Variants in ARL10 observed in about 807,000 individuals in gnomAD.
ARL10 encodes the protein ADP-ribosylation factor-like protein 10.
In ARL10, 23 loss-of-function variants were observed where a neutral mutation model predicts 26.1. The observed-to-expected ratio is 0.88, with a 90% CI of 0.63 to 1.25. The LOEUF (loss-of-function observed/expected upper bound fraction) is 1.25, where lower values mean the gene tolerates loss of function less well. Among genes scored for constraint, ARL10 ranks in the 50% most tolerant of loss-of-function variants. The pLI is 0.00. For synonymous variants in ARL10, 138 were observed against 149.1 expected (o/e 0.93, Z 0.54); for missense variants, 300 against 323.6 (o/e 0.93, Z 0.56).
intron 2 of ARL10, 129 bp downstream of exon 2, chr5:176,366,710 T>A: frequency 8.7e-7 from 1 of 1,153,076 alleles, no homozygotes; most frequent in East Asian, 2.6e-5. Context: ...TTCCCACCGC[T>A]CTCCGGGGCA....
downstream of ARL10, among the ~76,000 whole-genome samples, chr5:176,393,180 CCTGGCTTG>C (rs1756334693): frequency 6.6e-6 from 1 of 152,116 alleles, no homozygotes; most frequent in African/African-American, 2.4e-5. The surrounding 1 kb of genome is among the most constrained non-coding windows in gnomAD (Gnocchi z 4.4). Flanking sequence ...CAGACCTGTT[CCTGGCTTG>C]CTGCTTCTTG....
chr5:176,388,974 G>A (rs1351632041), downstream of ARL10: 1 of 1,613,888 alleles, frequency 6.2e-7, no homozygotes, highest in Non-Finnish European at 8.5e-7. Flanking sequence ...GTACCCATAG[G>A]TAAGTGGGTG....
At position 176,371,753 on chromosome 5, in the gene ARL10, T is replaced by C. The variant is rs1768554239; in HGVS notation, c.593T>C (p.Leu198Pro). Residue 198 changes from leucine (L) to proline (P), a missense_variant, in exon 4 of 4, where the codon CTG (leucine) becomes CCG (proline). Leu to Pro is a moderately conservative substitution (Grantham distance 98, BLOSUM62 -3). Coordinates refer to ENST00000310389, the MANE Select transcript of ARL10 (RefSeq NM_173664.6). ...AGCGAGGCCATGAGTATGGGGGAGC[T>C]GCAGCGGGAGCTGGGTCTACAGGCT... is the stretch of plus-strand genomic sequence containing the variant. The part of the protein sequence containing the change: ...DLSEAMSMGE[L>P]QRELGLQAID... 6.2e-7 allele frequency: 1 copy of C among 1,614,110 alleles called. No homozygotes were observed. The highest frequency in any genetic ancestry group is 8.5e-7 in the Non-Finnish European group (1 of 1,180,044).
chr5:176,383,588 G>A (rs973596835), downstream of ARL10, among the ~76,000 whole-genome samples: 7 of 152,232 alleles, frequency 4.6e-5, no homozygotes, highest in Non-Finnish European at 8.8e-5. Context: ...GAGAAGGCAG[G>A]TCACTCAGAG....
downstream of ARL10, chr5:176,389,422 G>T: frequency 6.2e-7 from 1 of 1,614,178 alleles, no homozygotes. Flanking sequence ...TGCGCACCCG[G>T]ATCGCCGCCC....
downstream of ARL10, chr5:176,392,892 T>C (rs756695540): frequency 6.2e-7 from 1 of 1,614,186 alleles, no homozygotes; most frequent in African/African-American, 1.3e-5. This position sits in a 1 kb window ranked among gnomAD's most constrained non-coding sequence, Gnocchi z 5.2. Flanking sequence ...CTTCTCCCAC[T>C]CTGTGCCTGG....
Position 176,371,780 on chromosome 5 carries a change from T to A in ARL10, c.620T>A (p.Ile207Asn). 2 of 1,614,198 alleles carry A rather than the reference T, an allele frequency of 1.2e-6. No homozygotes were observed. Among genetic ancestry groups the A allele is most frequent in the South Asian group, 2.2e-5 (2 of 91,088 alleles). Residue 207 changes from isoleucine (I) to asparagine (N), a missense_variant, in exon 4 of 4, where the codon ATC (isoleucine) becomes AAC (asparagine). By Grantham distance (149) the Ile-to-Asn change is moderately radical. Coordinates refer to ENST00000310389, the MANE Select transcript of ARL10 (RefSeq NM_173664.6). ...ELQRELGLQA[I>N]DNQREVFLLA... ...CAGCGGGAGCTGGGTCTACAGGCTA[T>A]CGATAACCAGCGGGAGGTTTTCCTC...
At chr5:176,384,473 G>C, downstream of ARL10, 3 of 1,234,186 alleles carry the variant, frequency 2.4e-6, no homozygotes, top group Non-Finnish European at 3.4e-6. Context: ...CTATCCCTGA[G>C]GTCCAGAATC....
intron 1 of ARL10, among the ~76,000 whole-genome samples, chr5:176,394,259 G>A (rs1217348558): frequency 6.6e-6 from 1 of 152,206 alleles, no homozygotes; most frequent in East Asian, 1.9e-4. Context: ...AGCGTCCATG[G>A]TCCAATGGCA....
intron 1 of ARL10, among the ~76,000 whole-genome samples, chr5:176,400,955 G>A (rs554785846): frequency 6.6e-6 from 1 of 152,328 alleles, no homozygotes; most frequent in African/African-American, 2.4e-5. Flanking sequence ...GCTGCCTGGG[G>A]AGTGAGGGAA....
downstream of ARL10, chr5:176,384,346 T>C (rs1443198030): frequency 1.9e-6 from 3 of 1,614,132 alleles, no homozygotes; most frequent in Admixed American, 3.3e-5. Context: ...GGTATCTTGA[T>C]AGTAATTCTT....
At chr5:176,406,317 G>C (rs1265670125), downstream of ARL10, 7 of 1,075,128 alleles carry the variant, frequency 6.5e-6, no homozygotes, top group Non-Finnish European at 7.9e-6. Flanking sequence ...TCAGGGCCAG[G>C]CTTGTCTCAG....
intron 3 of ARL10, among the ~76,000 whole-genome samples, 173 bp from the exon 4 acceptor site, chr5:176,371,549 G>A (rs1041970264): frequency 2.7e-5 from 4 of 149,172 alleles, no homozygotes; most frequent in Admixed American, 6.7e-5. Context: ...TGATATTCCC[G>A]GGGATAGCCT....
chr5:176,387,469 T>C (rs536723452), intron 1 of ARL10, among the ~76,000 whole-genome samples: 51 of 152,388 alleles, frequency 3.3e-4, no homozygotes, highest in African/African-American at 1.2e-3. Context: ...TTTGTTCCAT[T>C]GCCTTAGGCA....
At chr5:176,410,316 C>T in the ARL10 span, 1 of 1,613,070 alleles carries the variant, frequency 6.2e-7, no homozygotes, top group South Asian at 1.1e-5. Flanking sequence ...GGAAAGAGAA[C>T]AAGGAGATAG....
downstream of ARL10, among the ~76,000 whole-genome samples, chr5:176,390,182 C>CAAAAAAAAAA (rs60632467): frequency 3.1e-5 from 2 of 65,236 alleles, no homozygotes; most frequent in African/African-American, 1.2e-4. Context: ...AACTCCATCT[C>CAAAAAAAAAA]AAAAAAAAAA....
At chr5:176,370,175 T>A (rs554690671) in intron 3 of ARL10, among the ~76,000 whole-genome samples, 1 of 152,254 alleles carries the variant, frequency 6.6e-6, no homozygotes, top group East Asian at 1.9e-4. Context: ...CTCACTTCCC[T>A]CTAAATACCT....
intron 2 of ARL10, among the ~76,000 whole-genome samples, chr5:176,366,836 T>C (rs1324392833): frequency 3.9e-5 from 6 of 152,032 alleles, no homozygotes; most frequent in Non-Finnish European, 1.5e-5. Flanking sequence ...AACACAGAGA[T>C]ACTAACAGCT....
At chr5:176,385,130 G>A (rs188692445), downstream of ARL10, 76 of 792,288 alleles carry the variant, frequency 9.6e-5, no homozygotes, top group African/African-American at 9.3e-4. Flanking sequence ...CTTTGCACTC[G>A]GTTTCAGGAA....
Sources: allele counts gnomAD v4.1 joint callset (sites outside exome capture counted in the v4.1 genomes callset), GRCh38; gene constraint gnomAD v4.1.1; non-coding constraint Gnocchi (gnomAD v3.1); transcripts MANE v1.5; gene names NCBI Gene and HGNC (gene_info 2026-07-23, HGNC 2026-07-21).